Variants in MSN observed in about 807,000 individuals in gnomAD.
MSN encodes epididymis luminal protein 70.
In MSN, 2 loss-of-function variants were observed where a neutral mutation model predicts 48.0. The ratio of observed to expected loss-of-function variants is 0.04; its 90% CI spans 0.02 to 0.13. The LOEUF is 0.13. Ranked by LOEUF, MSN falls within the 10% of genes least tolerant of loss-of-function variation. MSN has a pLI of 1.00. For missense variants in MSN, 267 were observed against 470.1 expected, an observed-to-expected ratio of 0.57 and a Z score of 3.99; for synonymous variants, 146 against 166.9, an observed-to-expected ratio of 0.87 and a Z score of 0.97.
At chrX:65,736,754 G>A in intron 8 of MSN, 41 bp from the exon 9 acceptor site, 2 of 1,154,833 alleles carry the variant, frequency 1.7e-6, no homozygotes, top group African/African-American at 1.8e-5. Flanking sequence ...CTTTTGTGGA[G>A]CGTTGTTATC....
intron 1 of MSN, among the ~76,000 whole-genome samples, chrX:65,677,507 C>T (rs1367290439): frequency 8.9e-6 from 1 of 112,083 alleles, no homozygotes; most frequent in East Asian, 2.8e-4. Flanking sequence ...CCTGTAATCC[C>T]AGCACTTTGA....
At chrX:65,609,609 C>T (rs181615768) in intron 1 of MSN, among the ~76,000 whole-genome samples, 1 of 111,630 alleles carries the variant, frequency 9.0e-6, no homozygotes, top group African/African-American at 3.3e-5. Flanking sequence ...CCTGGCCAGG[C>T]GCGGTGGCTC....
intron 1 of MSN, among the ~76,000 whole-genome samples, chrX:65,643,659 G>A (rs2070674683): frequency 9.0e-6 from 1 of 111,707 alleles, no homozygotes; most frequent in Admixed American, 9.6e-5. Flanking sequence ...GTGCAGCCAG[G>A]GCTATGAATC....
At chrX:65,667,582 G>A (rs1209808632), upstream of MSN, 2 of 881,316 alleles carry the variant, frequency 2.3e-6, no homozygotes, top group Non-Finnish European at 2.8e-6. Flanking sequence ...CGGTCGGCGG[G>A]GAGGCGGGCG....
At chrX:65,730,434 G>A (rs1386565280) in intron 4 of MSN, among the ~76,000 whole-genome samples, 2 of 111,407 alleles carry the variant, frequency 1.8e-5, no homozygotes, top group Non-Finnish European at 3.8e-5. Context: ...AGAAGGAAAA[G>A]CTTTGCTTCA....
intron 1 of MSN, among the ~76,000 whole-genome samples, chrX:65,620,518 C>G (rs950909243): frequency 8.8e-6 from 1 of 113,849 alleles, no homozygotes; most frequent in Non-Finnish European, 1.9e-5. Context: ...AGGGAACTCC[C>G]TGACCCCTTG....
intron 1 of MSN, among the ~76,000 whole-genome samples, chrX:65,621,409 A>G (rs2070444686): frequency 8.9e-6 from 1 of 112,222 alleles, no homozygotes; most frequent in Non-Finnish European, 1.9e-5. Flanking sequence ...ATCAAAAACG[A>G]TTAGCCACAG....
chrX:65,724,677 T>G (rs867100044), intron 2 of MSN, among the ~76,000 whole-genome samples: 3 of 108,323 alleles, frequency 2.8e-5, no homozygotes, highest in Non-Finnish European at 3.8e-5. Context: ...TTTGTTTTGT[T>G]TTTGTTTGTT....
At chrX:65,630,685 C>T (rs1382893069) in intron 1 of MSN, among the ~76,000 whole-genome samples, 1 of 111,449 alleles carries the variant, frequency 9.0e-6, no homozygotes, top group Non-Finnish European at 1.9e-5. Context: ...TACCCCAGCG[C>T]TAGGCAACCA....
At chrX:65,668,346 C>T (rs1355312342) in intron 1 of MSN, among the ~76,000 whole-genome samples, 1 of 112,174 alleles carries the variant, frequency 8.9e-6, no homozygotes, top group African/African-American at 3.2e-5. Flanking sequence ...TTCCCACAGC[C>T]TCACCGGGTG....
At chrX:65,665,325 GTGTGATGAGCTGTCAT>G (rs2070859025), upstream of MSN, among the ~76,000 whole-genome samples, 1 of 112,048 alleles carries the variant, frequency 8.9e-6, no homozygotes, top group East Asian at 2.8e-4. Context: ...GTATTAAGGC[GTGTGATGAGCTGTCAT>G]TGCTACTCCT....
At chrX:65,605,296 C>T (rs1317308539) in intron 1 of MSN, among the ~76,000 whole-genome samples, 1 of 112,309 alleles carries the variant, frequency 8.9e-6, no homozygotes, top group African/African-American at 3.2e-5. Flanking sequence ...GAAATCTAAG[C>T]GTTAGCTTTG....
chrX:65,631,350 T>G (rs1346292621), intron 1 of MSN, among the ~76,000 whole-genome samples: 1 of 110,926 alleles, frequency 9.0e-6, no homozygotes, highest in Non-Finnish European at 1.9e-5. Context: ...CACCTCGGCC[T>G]CCCAAAGTGA....
upstream of MSN, among the ~76,000 whole-genome samples, chrX:65,665,109 G>C (rs763717964): frequency 1.9e-4 from 21 of 111,203 alleles, no homozygotes; most frequent in Admixed American, 1.6e-3. Flanking sequence ...ACTCTCCCCT[G>C]TGTATGTGTG....
chrX:65,712,653 A>G (rs1484589660), intron 1 of MSN, among the ~76,000 whole-genome samples: 3 of 109,211 alleles, frequency 2.7e-5, no homozygotes, highest in Non-Finnish European at 5.7e-5. Flanking sequence ...TCATCCTTCT[A>G]TGTATACATT....
At chrX:65,625,572 A>G (rs1201686231) in intron 1 of MSN, 1 of 111,980 alleles carries the variant, frequency 8.9e-6, no homozygotes, top group Non-Finnish European at 1.9e-5. Context: ...TGATACATAT[A>G]TTGCCACCCA....
intron 1 of MSN, chrX:65,625,162 A>C (rs1255129791): frequency 3.5e-5 from 4 of 112,734 alleles, no homozygotes; most frequent in African/African-American, 1.3e-4. Context: ...AATGTTTAAA[A>C]AATTTATTGG....
intron 1 of MSN, among the ~76,000 whole-genome samples, chrX:65,673,098 A>G (rs2070959002): frequency 9.0e-6 from 1 of 111,276 alleles, no homozygotes; most frequent in Non-Finnish European, 1.9e-5. Context: ...TTCCCGAGTC[A>G]TGGGAGAGAA....
chrX:65,635,696 G>T (rs1320115062), intron 1 of MSN, among the ~76,000 whole-genome samples: 2 of 112,171 alleles, frequency 1.8e-5, no homozygotes, highest in Non-Finnish European at 3.8e-5. Flanking sequence ...AGCCTGTCCT[G>T]TATTCTTCCT....
Sources: gnomAD v4.1 joint callset for allele counts (sites outside exome capture counted in the v4.1 genomes callset) on GRCh38, gnomAD v4.1.1 for gene constraint, MANE v1.5 for transcripts, NCBI Gene and HGNC (gene_info 2026-07-23, HGNC 2026-07-21) for gene names.